Variants in RBM33 observed in about 807,000 individuals in gnomAD.
RBM33 encodes the protein RNA-binding protein 33.
Under a neutral mutation model 132.6 loss-of-function variants are expected in RBM33, and 28 were observed. The observed-to-expected ratio is 0.21, with a 90% confidence interval of 0.16 to 0.29. RBM33 has a LOEUF of 0.29. RBM33 is among the 10% of genes least tolerant of loss of function. The probability of loss-of-function intolerance (pLI) is 1.00; values close to 1 mark genes in which losing one functional copy is unlikely to be tolerated. For synonymous variants in RBM33, 634 were observed against 593.0 expected, an observed-to-expected ratio of 1.07 and a Z score of -1.01; for missense variants, 1,291 against 1,518.5, an observed-to-expected ratio of 0.85 and a Z score of 2.49.
chr7:155,662,971 T>TC (rs936627821), intron 1 of RBM33, among the ~76,000 whole-genome samples: 56 of 152,198 alleles, frequency 3.7e-4, no homozygotes, highest in Non-Finnish European at 3.4e-4. Flanking sequence ...ACCCATTAAT[T>TC]CTTGCTGCCA....
intron 10 of RBM33, 146 bp downstream of exon 10, chr7:155,737,808 C>T: frequency 1.0e-6 from 1 of 965,756 alleles, no homozygotes; most frequent in Admixed American, 3.1e-5. Context: ...TTCTGCCTGT[C>T]ATTTCAGGTG....
intron 9 of RBM33, among the ~76,000 whole-genome samples, chr7:155,718,807 G>T (rs1033411013): frequency 6.6e-6 from 1 of 152,194 alleles, no homozygotes; most frequent in African/African-American, 2.4e-5. Flanking sequence ...GTTTGTGCAT[G>T]TGTATTGTGT....
At position 155,756,474 on chromosome 7, in the gene RBM33, C is replaced by CA. The variant is rs1299232107; in HGVS notation, c.2980-7334dup. ...ACTACAACATACTAAAATCAAAAGT[C>CA]AAAATCAGGAAGTTGTTTTGGTATA... On this transcript the variant is annotated intron_variant, in intron 14 of 17. Coordinates refer to ENST00000401878, the MANE Select transcript of RBM33 (RefSeq NM_053043.3). Among the ~76,000 whole-genome samples, 5 of 152,228 alleles carry CA rather than the reference C, an allele frequency of 3.3e-5. No individual in the cohort carries two copies. In the South Asian group the frequency reaches 8.3e-4, roughly 25 times the overall value.
rs1278426846 is a variant in RBM33, at chr7:155,673,599, CAT to C, written c.171+688_171+689del. Among the ~76,000 whole-genome samples the C allele has an allele frequency of 2.9e-3, 238 of 81,976 alleles. 42 individuals are homozygous for C. The highest frequency in any genetic ancestry group is 0.011 in the African/African-American group (195 of 17,440). The allele number at this position is 81,976 out of a possible 152,430, so 53.8% of individuals were successfully genotyped here. A position where few individuals can be genotyped will look rare whatever the true frequency, so the allele number is the denominator to read the frequency against. On this transcript the variant is annotated intron_variant, in intron 3 of 17. Transcript: ENST00000401878. The stretch of plus-strand genomic sequence containing the variant: ...ACACACGTGTATATATATATACACA[CAT>C]ATACATACACACGTGTATATATATA...
intron 5 of RBM33, among the ~76,000 whole-genome samples, chr7:155,683,142 C>A (rs1585433098): frequency 6.6e-6 from 1 of 152,250 alleles, no homozygotes; most frequent in East Asian, 1.9e-4. Context: ...GTGTTCTAGC[C>A]GTGGTCATTC....
intron 5 of RBM33, among the ~76,000 whole-genome samples, chr7:155,683,019 A>AT (rs1352635852): frequency 1.3e-5 from 2 of 152,066 alleles, no homozygotes; most frequent in East Asian, 3.8e-4. Context: ...AAAAAAAAAA[A>AT]CTTAGAAATT....
At chr7:155,702,213 T>A (rs1350617048) in intron 6 of RBM33, among the ~76,000 whole-genome samples, 1 of 152,210 alleles carries the variant, frequency 6.6e-6, no homozygotes, top group Non-Finnish European at 1.5e-5. Context: ...GTCCAAAACA[T>A]GAGCCTGTAT....
At position 155,780,980 on chromosome 7, in the gene RBM33, C is replaced by G. The variant is rs1199259553; in HGVS notation, c.*5939C>G. The stretch of plus-strand genomic sequence containing the variant: ...ACCACCCGCTTCTTTGTTTCCCGCC[C>G]CTCTGCTTTCGCAGGAGCTCTTGTG... On this transcript the variant is annotated 3_prime_UTR_variant, in exon 18 of 18. Coordinates refer to ENST00000401878, the MANE Select transcript of RBM33 (RefSeq NM_053043.3). 1 of 152,814 alleles carries G rather than the reference C, an allele frequency of 6.5e-6. No homozygotes were observed. The highest frequency in any genetic ancestry group is 1.5e-5 in the Non-Finnish European group (1 of 68,110). The allele number at this position is 152,814 out of a possible 1,614,324, so 9.5% of individuals were successfully genotyped here. A position where few individuals can be genotyped will look rare whatever the true frequency, so the allele number is the denominator to read the frequency against.
intron 9 of RBM33, among the ~76,000 whole-genome samples, chr7:155,721,016 T>C (rs1771996314): frequency 6.6e-6 from 1 of 152,232 alleles, no homozygotes; most frequent in Non-Finnish European, 1.5e-5. Flanking sequence ...GTGCCAGTTG[T>C]TATGAAATTT....
In RBM33 at chr7:155,739,906, C is replaced by T. The variant is rs200834081; in HGVS notation, c.1929C>T (p.Ser643=). Residue 643 remains serine, a synonymous_variant, in exon 12 of 18, where the codon TCC becomes TCT. Coordinates refer to ENST00000401878, the MANE Select transcript of RBM33 (RefSeq NM_053043.3). ...HQHHHHHHHL[S]VPPPPLMPMS... is the part of the protein sequence containing the mutation. ...ACCACCACCACCACCACCACCTGTCCGTCCCGCCCCCTCCTTTGATGCCGA... is the reference window on the plus strand; with the variant it reads ...ACCACCACCACCACCACCACCTGTCTGTCCCGCCCCCTCCTTTGATGCCGA... The T allele has an allele frequency of 7.9e-3, 12,289 of 1,550,214 alleles. 61 individuals are homozygous for T. The highest frequency in any genetic ancestry group is 9.3e-3 in the Non-Finnish European group (10,661 of 1,146,742).
At chr7:155,704,681 A>G (rs1421012239) in intron 6 of RBM33, among the ~76,000 whole-genome samples, 1 of 152,228 alleles carries the variant, frequency 6.6e-6, no homozygotes, top group Non-Finnish European at 1.5e-5. Flanking sequence ...TTAATTCATT[A>G]TCTGTGAGTA....
Position 155,766,573 on chromosome 7 carries a change from G to A in RBM33, c.3293G>A (p.Cys1098Tyr), listed in dbSNP as rs372361918. The A allele has an allele frequency of 6.2e-7, 1 of 1,613,286 alleles. No individual in the cohort carries two copies. The highest frequency in any genetic ancestry group is 8.5e-7 in the Non-Finnish European group (1 of 1,179,666). ...GTGGTGGAGTGCAAGCCCCAGCCCT[G>A]CGTGGTGTCTGTGGAGGGGCTGTCC... Reference protein sequence around the residue: ...LRVVECKPQPCVVSVEGLSSS... With the variant: ...LRVVECKPQPYVVSVEGLSSS... The change falls in exon 16 of 18, where the codon TGC (cysteine) becomes TAC (tyrosine). Residue 1098 changes from cysteine (C) to tyrosine (Y), a missense_variant. This residue lies in a region of RBM33 where 55 missense variants were observed against 101.4 expected (regional missense o/e 0.54). Transcript: ENST00000401878.
At chr7:155,703,725 T>C (rs1800032269) in intron 6 of RBM33, among the ~76,000 whole-genome samples, 1 of 152,200 alleles carries the variant, frequency 6.6e-6, no homozygotes, top group Admixed American at 6.5e-5. Flanking sequence ...GAAATATATA[T>C]TGAAAAAGAG....
chr7:155,708,525 G>GT (rs1166693956), intron 7 of RBM33, among the ~76,000 whole-genome samples: 4 of 152,184 alleles, frequency 2.6e-5, no homozygotes, highest in Non-Finnish European at 4.4e-5. Flanking sequence ...GGAAGAGCAC[G>GT]TATCTCTCAC....
chr7:155,680,738 G>C lies in RBM33; in HGVS notation c.397G>C (p.Asp133His). ...GEDELVYHKSDGSELYTQEYP... is the reference protein window; with the variant it reads ...GEDELVYHKSHGSELYTQEYP... ...GGATGAACTGGTTTATCACAAATCT[G>C]ATGGATCAGAATTGTATACTCAAGA... Residue 133 changes from aspartate (D) to histidine (H), a missense_variant, in exon 5 of 18, where the codon GAT (aspartate) becomes CAT (histidine). Physicochemically the swap from Asp to His is moderately conservative, Grantham distance 81. This residue lies in a region of RBM33 where 194 missense variants were observed against 249.8 expected (regional missense o/e 0.78). Transcript: ENST00000401878. 2 of 1,613,568 alleles carry C rather than the reference G, an allele frequency of 1.2e-6. No individual in the cohort carries two copies. The highest frequency in any genetic ancestry group is 1.1e-5 in the South Asian group (1 of 91,008).
rs1243562006 is a variant in RBM33 at position 155,671,995 on chromosome 7, T to TA, written c.123-871dup. 2.0e-5 allele frequency among the ~76,000 whole-genome samples: 3 copies of TA among 152,162 alleles called. 1 individual carries two copies. The highest frequency in any genetic ancestry group is 4.4e-5 in the Non-Finnish European group (3 of 68,020). On this transcript the variant is annotated intron_variant, in intron 2 of 17. Transcript: ENST00000401878. ...GGCTTCTAATCATTTAAAACAGAAA[T>TA]ATGCTAGAAAAAATTGCAAATCACT...
At chr7:155,715,236 T>C (rs1800426584) in intron 8 of RBM33, among the ~76,000 whole-genome samples, 1 of 152,208 alleles carries the variant, frequency 6.6e-6, no homozygotes, top group Non-Finnish European at 1.5e-5. Context: ...ATCCTTTGCA[T>C]CTTCCCCATA....
intron 12 of RBM33, among the ~76,000 whole-genome samples, chr7:155,740,566 A>C (rs1212737688): frequency 1.3e-5 from 2 of 152,246 alleles, no homozygotes; most frequent in Non-Finnish European, 2.9e-5. Flanking sequence ...ATTAGCATAC[A>C]TTTATTTGTG....
At chr7:155,696,606 A>T (rs76461625) in intron 5 of RBM33, among the ~76,000 whole-genome samples, 1 of 152,192 alleles carries the variant, frequency 6.6e-6, no homozygotes, top group Non-Finnish European at 1.5e-5. Flanking sequence ...AAAATCAGAA[A>T]TGGGTATTGA....
Sources: gnomAD v4.1 joint callset for allele counts (sites outside exome capture counted in the v4.1 genomes callset) on GRCh38, gnomAD v4.1.1 for gene constraint, gnomAD v4.1.1 regional missense constraint, MANE v1.5 for transcripts, NCBI Gene and HGNC (gene_info 2026-07-23, HGNC 2026-07-21) for gene names.